ATP6V1C1: variants seen among roughly 807,000 people sequenced by gnomAD.
ATP6V1C1 encodes the protein ATPase H+ transporting V1 subunit C1, also known as V-type proton ATPase subunit C 1.
ATP6V1C1 carries 45 observed loss-of-function variants against 53.9 expected under a neutral mutation model. That is an observed-to-expected ratio of 0.83 (90% CI 0.66 to 1.07). The LOEUF is 1.07. Ranked by LOEUF, ATP6V1C1 falls within the 50% of genes least tolerant of loss-of-function variation. ATP6V1C1 has a pLI of 0.00. For synonymous variants in ATP6V1C1, 153 were observed against 155.2 expected (o/e 0.99, Z 0.11); for missense variants, 315 against 440.3 (o/e 0.72, Z 2.55).
chr8:103,072,687 G>A lies in ATP6V1C1; in HGVS notation c.*3940G>A, dbSNP rs1229584536. On this transcript the variant is annotated 3_prime_UTR_variant, in exon 13 of 13. Coordinates refer to ENST00000518738, the MANE Select transcript of ATP6V1C1 (RefSeq NM_001695.5). ...CTTGCTTTCTAAAGAAAGGAATATG[G>A]CACATTGGAACCATTTTATTCACCA... The A allele has an allele frequency of 6.6e-6, 1 of 152,166 alleles. No individual in the cohort carries two copies. The highest frequency in any genetic ancestry group is 2.4e-5 in the African/African-American group (1 of 41,434). The allele number at this position is 152,166 out of a possible 1,614,324, so 9.4% of individuals were successfully genotyped here.
intron 3 of ATP6V1C1, among the ~76,000 whole-genome samples, chr8:103,044,033 T>A (rs1005443527): frequency 3.3e-5 from 5 of 152,000 alleles, no homozygotes; most frequent in African/African-American, 4.8e-5. Flanking sequence ...AGATTACAGG[T>A]CCCTGCCACA....
At position 103,040,965 on chromosome 8, in the gene ATP6V1C1, A is replaced by G; in HGVS notation, c.129A>G (p.Leu43=). ...CTTCCAAGTTCAATATTCCTGACTT[A>G]AAGGTGAAGCTGCACTGTGCAAAAT... The part of the protein sequence containing the change: ...AVTSKFNIPD[L]KVGTLDVLVG... Residue 43 remains leucine (L), a synonymous_variant, in exon 2 of 13, where the codon TTA becomes TTG. Coordinates refer to ENST00000518738, the MANE Select transcript of ATP6V1C1 (RefSeq NM_001695.5). The G allele has an allele frequency of 6.2e-7, 1 of 1,613,978 alleles. No homozygotes were observed. The highest frequency in any genetic ancestry group is 1.1e-5 in the South Asian group (1 of 91,078).
At chr8:103,022,404 T>G (rs1816613967) in intron 1 of ATP6V1C1, among the ~76,000 whole-genome samples, 1 of 152,108 alleles carries the variant, frequency 6.6e-6, no homozygotes, top group African/African-American at 2.4e-5. Flanking sequence ...TGGTAGTCGT[T>G]TACTTATTCA....
intron 7 of ATP6V1C1, among the ~76,000 whole-genome samples, chr8:103,054,311 T>C (rs1424059503): frequency 6.6e-6 from 1 of 152,080 alleles, no homozygotes; most frequent in African/African-American, 2.4e-5. Context: ...GTCTTTGCGT[T>C]TTTTTCCTGA....
chr8:103,027,373 C>T (rs143217056), intron 1 of ATP6V1C1, among the ~76,000 whole-genome samples: 3 of 152,282 alleles, frequency 2.0e-5, no homozygotes, highest in Non-Finnish European at 2.9e-5. Context: ...AGTTAAGTGT[C>T]GGAGCACTTA....
chr8:103,039,009 G>A (rs140983703), intron 1 of ATP6V1C1, among the ~76,000 whole-genome samples: 36 of 152,256 alleles, frequency 2.4e-4, no homozygotes, highest in African/African-American at 8.4e-4. Context: ...GCTGATAAAG[G>A]TTTAACTTCA....
intron 8 of ATP6V1C1, among the ~76,000 whole-genome samples, chr8:103,061,162 G>A (rs1484044823): frequency 6.6e-6 from 1 of 152,148 alleles, no homozygotes; most frequent in Non-Finnish European, 1.5e-5. Flanking sequence ...GACACCAGGA[G>A]CAAGAATTAA....
At chr8:103,059,974 C>CTTT (rs538649832) in intron 8 of ATP6V1C1, among the ~76,000 whole-genome samples, 1 of 140,750 alleles carries the variant, frequency 7.1e-6, no homozygotes. Flanking sequence ...TTCTTTCTTT[C>CTTT]TTTTTTTTTT....
At chr8:103,041,255 C>G (rs1339649045) in intron 2 of ATP6V1C1, among the ~76,000 whole-genome samples, 1 of 152,168 alleles carries the variant, frequency 6.6e-6, no homozygotes, top group Non-Finnish European at 1.5e-5. Context: ...AATTAAAACT[C>G]TTAGTAATAT....
intron 1 of ATP6V1C1, among the ~76,000 whole-genome samples, chr8:103,039,055 TTC>T (rs1408183600): frequency 6.6e-6 from 1 of 152,252 alleles, no homozygotes; most frequent in African/African-American, 2.4e-5. Context: ...ACAGTACAGT[TTC>T]TTTTTTAAAA....
intron 1 of ATP6V1C1, among the ~76,000 whole-genome samples, chr8:103,028,516 C>T (rs1292387760): frequency 2.0e-5 from 3 of 152,094 alleles, no homozygotes; most frequent in African/African-American, 4.8e-5. Flanking sequence ...TGTCTTGTTA[C>T]AGTGGTTCTG....
At chr8:103,049,454 C>T (rs947912377) in intron 4 of ATP6V1C1, among the ~76,000 whole-genome samples, 10 of 152,192 alleles carry the variant, frequency 6.6e-5, no homozygotes, top group Admixed American at 3.3e-4. Flanking sequence ...GTAAAATAGC[C>T]TACTGACTTC....
intron 12 of ATP6V1C1, among the ~76,000 whole-genome samples, chr8:103,066,990 A>C (rs1056488698): frequency 9.2e-5 from 14 of 151,982 alleles, no homozygotes; most frequent in African/African-American, 1.9e-4. Flanking sequence ...AAAAAAAAAA[A>C]CAGACCAAAA....
rs1050285038 is a variant in ATP6V1C1 at position 103,071,465 on chromosome 8, G to A, written c.*2718G>A. 6.6e-6 allele frequency: 1 copy of A among 152,158 alleles called. No individual in the cohort carries two copies. The highest frequency in any genetic ancestry group is 1.5e-5 in the Non-Finnish European group (1 of 68,030). 9.4% of individuals were successfully genotyped at this position (152,158 alleles called of 1,614,324 possible). ...TTGAACCTAAGATTTTTGACTGCTG[G>A]TTGTCACACTTCCCGCCCCACACTC... On this transcript the variant is annotated 3_prime_UTR_variant, in exon 13 of 13. Transcript: ENST00000518738.
chr8:103,036,520 C>T (rs1401931171), intron 1 of ATP6V1C1, among the ~76,000 whole-genome samples: 1 of 152,136 alleles, frequency 6.6e-6, no homozygotes, highest in Non-Finnish European at 1.5e-5. Flanking sequence ...GACTCCATCT[C>T]TACAAAAAAT....
chr8:103,067,598 C>CTTTTTTTTTTTTTTTTTTT (rs764474136), intron 12 of ATP6V1C1, among the ~76,000 whole-genome samples: 1 of 114,978 alleles, frequency 8.7e-6, no homozygotes, highest in African/African-American at 3.3e-5. Flanking sequence ...TTTTCTTTTT[C>CTTTTTTTTTTTTTTTTTTT]TTTTTTTTTT....
At chr8:103,043,288 T>A (rs1817033113) in intron 3 of ATP6V1C1, among the ~76,000 whole-genome samples, 1 of 151,932 alleles carries the variant, frequency 6.6e-6, no homozygotes. Context: ...TCTTTTTGAT[T>A]ATAGCCATCC....
chr8:103,059,878 GCACACACA>G (rs199689509), intron 8 of ATP6V1C1, among the ~76,000 whole-genome samples: 7 of 66,438 alleles, frequency 1.1e-4, no homozygotes, highest in African/African-American at 2.9e-4. Flanking sequence ...CCCCCAGCAC[GCACACACA>G]CACACACACA....
At chr8:103,052,668 T>C (rs557893150) in intron 5 of ATP6V1C1, 63 bp from the exon 6 acceptor site, 5 of 841,492 alleles carry the variant, frequency 5.9e-6, no homozygotes, top group Middle Eastern at 2.5e-4. Context: ...GCTACTTTGA[T>C]AGTATTAGTA....
Sources: gnomAD v4.1 joint callset for allele counts (sites outside exome capture counted in the v4.1 genomes callset) on GRCh38, gnomAD v4.1.1 for gene constraint, MANE v1.5 for transcripts, NCBI Gene and HGNC (gene_info 2026-07-23, HGNC 2026-07-21) for gene names.